The following LINGO2 variants were observed in gnomAD, a reference collection of about 807,000 sequenced individuals.
The protein encoded by LINGO2 is leucine-rich repeat and immunoglobulin-like domain-containing nogo receptor-interacting protein 2.
LINGO2 carries 14 observed loss-of-function variants against 30.6 expected under a neutral mutation model. The ratio of observed to expected loss-of-function variants is 0.46; its 90% CI spans 0.30 to 0.72. LINGO2 has a LOEUF of 0.72. LINGO2 is among the 30% of genes least tolerant of loss of function. The pLI, the probability that LINGO2 is intolerant of heterozygous loss-of-function variation, is 0.07. For synonymous variants in LINGO2, 317 were observed against 288.5 expected (o/e 1.10, Z -1.00); for missense variants, 729 against 751.7 (o/e 0.97, Z 0.35).
chr9:28,476,300 G>A (rs1825723700), intron 1 of LINGO2, among the ~76,000 whole-genome samples: 1 of 151,998 alleles, frequency 6.6e-6, no homozygotes, highest in Non-Finnish European at 1.5e-5. Context: ...TTTTGAGACG[G>A]AGTCTCGCTC....
At chr9:28,510,356 T>A (rs951532348) in intron 1 of LINGO2, among the ~76,000 whole-genome samples, 6 of 151,892 alleles carry the variant, frequency 4.0e-5, no homozygotes, top group Non-Finnish European at 5.9e-5. Flanking sequence ...GTTATATGTA[T>A]TATAATATAT....
At chr9:28,071,039 A>T (rs146723553) in intron 4 of LINGO2, among the ~76,000 whole-genome samples, 3 of 152,150 alleles carry the variant, frequency 2.0e-5, no homozygotes, top group Admixed American at 2.0e-4. Flanking sequence ...TATAAAGTAT[A>T]TTGAGGAAGA....
the LINGO2 span, among the ~76,000 whole-genome samples, chr9:28,995,188 C>A: frequency 6.6e-6 from 1 of 152,164 alleles, no homozygotes; most frequent in African/African-American, 2.4e-5. Flanking sequence ...AAACAAACAA[C>A]CCCATCAAAA....
At chr9:28,548,801 T>A (rs1193971464) in intron 1 of LINGO2, among the ~76,000 whole-genome samples, 1 of 150,880 alleles carries the variant, frequency 6.6e-6, no homozygotes, top group African/African-American at 2.4e-5. Flanking sequence ...AGGGAGTTAC[T>A]ATAAAAATGT....
chr9:28,651,868 C>A (rs912132100), intron 1 of LINGO2, among the ~76,000 whole-genome samples: 2 of 152,142 alleles, frequency 1.3e-5, no homozygotes, highest in Admixed American at 6.5e-5. Context: ...CAATTCATCA[C>A]CCCCTTAGCA....
At chr9:28,045,402 C>G (rs993886306) in intron 4 of LINGO2, among the ~76,000 whole-genome samples, 1 of 152,150 alleles carries the variant, frequency 6.6e-6, no homozygotes, top group Non-Finnish European at 1.5e-5. Context: ...TAATAAGAAT[C>G]AAGTTAGCTC....
the LINGO2 span, among the ~76,000 whole-genome samples, chr9:29,134,690 AG>A: frequency 6.6e-6 from 1 of 152,146 alleles, no homozygotes; most frequent in Non-Finnish European, 1.5e-5. Flanking sequence ...CATTATTCAT[AG>A]TAATTTAGCC....
At chr9:28,380,132 C>T (rs997910386) in intron 2 of LINGO2, among the ~76,000 whole-genome samples, 5 of 152,036 alleles carry the variant, frequency 3.3e-5, no homozygotes, top group African/African-American at 1.2e-4. Flanking sequence ...TGTTTACAAT[C>T]TATTTACAGG....
At chr9:28,363,083 C>G (rs1306778591) in intron 3 of LINGO2, among the ~76,000 whole-genome samples, 2 of 151,994 alleles carry the variant, frequency 1.3e-5, no homozygotes, top group Non-Finnish European at 2.9e-5. Flanking sequence ...CAAGATTATC[C>G]TATTTAATAT....
At position 28,335,357 on chromosome 9, in the gene LINGO2, G is replaced by A. The variant is rs77775756; in HGVS notation, c.-246+37479C>T. On this transcript the variant is annotated intron_variant, in intron 3 of 5. Coordinates refer to ENST00000379992, the Ensembl canonical transcript of LINGO2. Reference sequence around the variant, plus strand: ...CTTCACAGAACCCTCCAGGGATCTCGCATTGTAGCCCTAGGGCAGTCACTT... The same window carrying A: ...CTTCACAGAACCCTCCAGGGATCTCACATTGTAGCCCTAGGGCAGTCACTT... Among the ~76,000 whole-genome samples the A allele has an allele frequency of 9.4e-4, 143 of 152,234 alleles. 1 individual carries two copies. Among genetic ancestry groups the A allele is most frequent in the African/African-American group, 3.3e-3 (136 of 41,558 alleles).
At chr9:28,327,230 A>G (rs1030647093) in intron 3 of LINGO2, among the ~76,000 whole-genome samples, 1 of 152,154 alleles carries the variant, frequency 6.6e-6, no homozygotes, top group Non-Finnish European at 1.5e-5. Context: ...TGAGCAATAA[A>G]TTACTATTGT....
the LINGO2 span, among the ~76,000 whole-genome samples, chr9:28,812,067 T>C: frequency 6.7e-6 from 1 of 149,850 alleles, no homozygotes; most frequent in African/African-American, 2.5e-5. Context: ...TTCATTCTTG[T>C]GGCAATTTTT....
chr9:28,172,119 C>A (rs1319865586), intron 4 of LINGO2, among the ~76,000 whole-genome samples: 1 of 148,138 alleles, frequency 6.8e-6, no homozygotes, highest in Admixed American at 6.8e-5. Context: ...CGGCCCGGCG[C>A]GGTGGCTCAC....
rs143978211 is a variant in LINGO2 at position 28,061,528 on chromosome 9, T to C, written c.-86-49123A>G. Among the ~76,000 whole-genome samples, 99 of 152,036 alleles carry C rather than the reference T, an allele frequency of 6.5e-4. 1 individual carries two copies. In the East Asian group the frequency reaches 7.0e-3, roughly 11 times the overall value. On this transcript the variant is annotated intron_variant, in intron 4 of 5. Coordinates refer to ENST00000379992, the Ensembl canonical transcript of LINGO2. ...TTTTTTTTGTTTTAAGCCTTACACA[T>C]GATTGTAAATGCTTTGTACCTTTTA...
chr9:28,415,277 T>G (rs1222398017), intron 2 of LINGO2, among the ~76,000 whole-genome samples: 3 of 152,150 alleles, frequency 2.0e-5, no homozygotes, highest in Non-Finnish European at 4.4e-5. Flanking sequence ...CTCCAGGACC[T>G]TGGGTCTTTC....
chr9:28,913,412 C>T, the LINGO2 span, among the ~76,000 whole-genome samples: 1 of 152,010 alleles, frequency 6.6e-6, no homozygotes, highest in African/African-American at 2.4e-5. Flanking sequence ...CCTTAATGCT[C>T]CTTAAATCAT....
chr9:27,977,042 GAA>G (rs5897259), intron 5 of LINGO2, among the ~76,000 whole-genome samples: 1 of 147,102 alleles, frequency 6.8e-6, no homozygotes, highest in Non-Finnish European at 1.5e-5. Flanking sequence ...TAGGTAAATG[GAA>G]AAAAAAAAGA....
At position 28,048,882 on chromosome 9, in the gene LINGO2, CATAT is replaced by C. The variant is rs745954709; in HGVS notation, c.-86-36481_-86-36478del. Among the ~76,000 whole-genome samples, 6 of 150,656 alleles carry C rather than the reference CATAT, an allele frequency of 4.0e-5. 1 individual carries two copies. Among genetic ancestry groups the C allele is most frequent in the Non-Finnish European group, 7.4e-5 (5 of 67,842 alleles). On this transcript the variant is annotated intron_variant, in intron 4 of 5. Coordinates refer to ENST00000379992, the Ensembl canonical transcript of LINGO2. ...TAGTTTGTGTTTGTGTTTATGCCAA[CATAT>C]ATAGTTATGTTTATGCACATAGAAC...
chr9:28,800,067 T>A, the LINGO2 span, among the ~76,000 whole-genome samples: 1 of 152,154 alleles, frequency 6.6e-6, no homozygotes, highest in Admixed American at 6.6e-5. Context: ...GACATGTTGA[T>A]GCTTTTGATG....
Sources: allele counts gnomAD v4.1 joint callset (sites outside exome capture counted in the v4.1 genomes callset), GRCh38; gene constraint gnomAD v4.1.1; transcripts MANE v1.5; gene names NCBI Gene and HGNC (gene_info 2026-07-23, HGNC 2026-07-21).